The following FHIT variants were observed in gnomAD, a reference collection of about 807,000 sequenced individuals.
FHIT encodes fragile histidine triad diadenosine triphosphatase.
In FHIT, 19 loss-of-function variants were observed where a neutral mutation model predicts 17.9. The observed-to-expected ratio is 1.06, with a 90% CI of 0.74 to 1.56. The LOEUF (loss-of-function observed/expected upper bound fraction) is 1.56. Ranked by LOEUF, FHIT falls within the 40% of genes most tolerant of loss-of-function variation. The pLI, the probability that FHIT is intolerant of heterozygous loss-of-function variation, is 0.00. For missense variants in FHIT, 248 were observed against 189.2 expected, an observed-to-expected ratio of 1.31 and a Z score of -1.82; for synonymous variants, 81 against 69.7, an observed-to-expected ratio of 1.16 and a Z score of -0.81.
At chr3:60,606,543 T>C (rs2038614220) in intron 4 of FHIT, among the ~76,000 whole-genome samples, 1 of 152,130 alleles carries the variant, frequency 6.6e-6, no homozygotes, top group Admixed American at 6.6e-5. Flanking sequence ...GCCCAGCCTG[T>C]GATAGCATCT....
intron 8 of FHIT, among the ~76,000 whole-genome samples, chr3:59,868,047 T>A (rs867444473): frequency 0.023 from 2,608 of 111,366 alleles, 71 homozygotes; most frequent in African/African-American, 0.059. Context: ...TTTTTTTTTT[T>A]AAAAAAAAAA....
At chr3:60,757,127 T>C (rs1258629988) in intron 4 of FHIT, among the ~76,000 whole-genome samples, 1 of 152,298 alleles carries the variant, frequency 6.6e-6, no homozygotes, top group East Asian at 1.9e-4. Flanking sequence ...ATATTTGAGA[T>C]CTCCCAAATA....
At chr3:61,218,207 C>T (rs2039739673) in intron 1 of FHIT, among the ~76,000 whole-genome samples, 1 of 152,058 alleles carries the variant, frequency 6.6e-6, no homozygotes, top group Non-Finnish European at 1.5e-5. Context: ...AGGACTGATC[C>T]GTGAGCAAGT....
At chr3:60,613,362 G>A (rs782725153) in intron 4 of FHIT, among the ~76,000 whole-genome samples, 1 of 152,160 alleles carries the variant, frequency 6.6e-6, no homozygotes, top group Non-Finnish European at 1.5e-5. Context: ...CACAGGAAAG[G>A]TAAGTGTGGC....
intron 1 of FHIT, among the ~76,000 whole-genome samples, chr3:61,238,040 A>G (rs2040275819): frequency 6.6e-6 from 1 of 152,182 alleles, no homozygotes; most frequent in Non-Finnish European, 1.5e-5. Flanking sequence ...CATTTTGTTT[A>G]TCATAGGCCA....
At chr3:59,956,050 T>C (rs1233823921) in intron 7 of FHIT, among the ~76,000 whole-genome samples, 1 of 152,348 alleles carries the variant, frequency 6.6e-6, no homozygotes. Flanking sequence ...AAAAATCCTC[T>C]GGCACAGCTC....
At chr3:60,731,413 G>C (rs1252596581) in intron 4 of FHIT, among the ~76,000 whole-genome samples, 1 of 152,164 alleles carries the variant, frequency 6.6e-6, no homozygotes, top group Non-Finnish European at 1.5e-5. Context: ...AGGGCCAAGT[G>C]AGTGACTTGA....
At chr3:60,631,298 T>C (rs2039435480) in intron 4 of FHIT, among the ~76,000 whole-genome samples, 1 of 152,202 alleles carries the variant, frequency 6.6e-6, no homozygotes, top group South Asian at 2.1e-4. Flanking sequence ...ATTACATTTG[T>C]ATGAAACTGT....
At chr3:60,037,083 G>A (rs767905033) in intron 5 of FHIT, among the ~76,000 whole-genome samples, 18 of 152,152 alleles carry the variant, frequency 1.2e-4, no homozygotes, top group Non-Finnish European at 2.2e-4. Flanking sequence ...ACCTTGTCAC[G>A]GTCCGACGTT....
intron 3 of FHIT, among the ~76,000 whole-genome samples, chr3:60,879,125 A>T (rs377254494): frequency 6.6e-6 from 1 of 152,108 alleles, no homozygotes; most frequent in East Asian, 1.9e-4. Context: ...AAGTGTTCCT[A>T]TTTCTCCACA....
intron 8 of FHIT, among the ~76,000 whole-genome samples, chr3:59,897,023 A>AGTTCCT (rs1190687932): frequency 6.6e-6 from 1 of 152,158 alleles, no homozygotes; most frequent in Non-Finnish European, 1.5e-5. Flanking sequence ...TAGCACATGC[A>AGTTCCT]GTTCCTCTTG....
intron 4 of FHIT, among the ~76,000 whole-genome samples, chr3:60,793,402 A>T (rs1477990478): frequency 6.6e-6 from 1 of 151,948 alleles, no homozygotes. Context: ...CCCTGGGTTC[A>T]AGCAATTCTC....
intron 4 of FHIT, among the ~76,000 whole-genome samples, chr3:60,593,719 A>T (rs1367890268): frequency 6.6e-6 from 1 of 152,120 alleles, no homozygotes; most frequent in East Asian, 1.9e-4. Context: ...AAGCAGACAG[A>T]TATGCAGGTA....
chr3:60,075,341 T>C (rs910349815), intron 5 of FHIT, among the ~76,000 whole-genome samples: 1 of 152,056 alleles, frequency 6.6e-6, no homozygotes, highest in African/African-American at 2.4e-5. Flanking sequence ...GATCCACGAA[T>C]GTAAGCACCA....
intron 5 of FHIT, among the ~76,000 whole-genome samples, chr3:60,151,391 C>T (rs1369219777): frequency 2.6e-5 from 4 of 152,200 alleles, no homozygotes; most frequent in African/African-American, 7.2e-5. Context: ...CCACCATCAC[C>T]TGTTTTCTGA....
chr3:59,947,688 C>G (rs2107293633), intron 7 of FHIT, among the ~76,000 whole-genome samples: 1 of 152,196 alleles, frequency 6.6e-6, no homozygotes, highest in Non-Finnish European at 1.5e-5. Flanking sequence ...TTCTCTGCCC[C>G]TCAAGGTTAA....
intron 5 of FHIT, among the ~76,000 whole-genome samples, chr3:60,079,193 G>A (rs1313354860): frequency 2.6e-5 from 4 of 152,058 alleles, no homozygotes; most frequent in African/African-American, 2.4e-5. Context: ...CCCATTAGAG[G>A]GCGTTACTGT....
At chr3:60,837,875 C>A (rs1702589080) in intron 3 of FHIT, among the ~76,000 whole-genome samples, 1 of 152,010 alleles carries the variant, frequency 6.6e-6, no homozygotes, top group Admixed American at 6.6e-5. Context: ...CATATAGAAA[C>A]CCTATCTCCG....
At chr3:60,000,996 C>A (rs761684721) in intron 7 of FHIT, among the ~76,000 whole-genome samples, 5 of 152,166 alleles carry the variant, frequency 3.3e-5, no homozygotes, top group Admixed American at 3.3e-4. Flanking sequence ...TGGCTAGGCG[C>A]CTGTCGTTCC....
Sources: gnomAD v4.1 joint callset for allele counts (sites outside exome capture counted in the v4.1 genomes callset) on GRCh38, gnomAD v4.1.1 for gene constraint, MANE v1.5 for transcripts, NCBI Gene and HGNC (gene_info 2026-07-23, HGNC 2026-07-21) for gene names.